The following CEP70 variants were observed in gnomAD, a reference collection of about 807,000 sequenced individuals.
CEP70 encodes the protein centrosomal protein of 70 kDa.
Under a neutral mutation model 90.9 loss-of-function variants are expected in CEP70, and 70 were observed. That is an observed-to-expected ratio of 0.77 (90% CI 0.64 to 0.94). CEP70 has a LOEUF of 0.94. Among genes scored for constraint, CEP70 ranks in the 40% least tolerant of loss-of-function variants. The probability of loss-of-function intolerance (pLI) is 0.00; values close to 1 mark genes in which losing one functional copy is unlikely to be tolerated. For synonymous variants in CEP70, 220 were observed against 228.3 expected (o/e 0.96, Z 0.33); for missense variants, 648 against 669.0 (o/e 0.97, Z 0.35).
At chr3:138,562,242 A>C (rs1025428487) in intron 6 of CEP70, among the ~76,000 whole-genome samples, 6 of 152,146 alleles carry the variant, frequency 3.9e-5, no homozygotes, top group African/African-American at 1.4e-4. Flanking sequence ...TTGTACCTGA[A>C]AGTGACGGGG....
In CEP70 at chr3:138,505,372, C is replaced by T. The variant is rs146017776; in HGVS notation, c.1144G>A (p.Asp382Asn). ...TKGGVQNFNK[D>N]LVQDCGFEHL... The stretch of plus-strand genomic sequence containing the variant: ...TCAAATCCACAATCTTGAACAAGAT[C>T]TTTATTAAAATTTTGGACTCCCCCT... Residue 382 changes from aspartate to asparagine, a missense_variant, in exon 13 of 18, where the codon GAT becomes AAT. Coordinates refer to ENST00000264982, the MANE Select transcript of CEP70 (RefSeq NM_024491.4). 3.6e-4 allele frequency: 578 copies of T among 1,612,438 alleles called. 4 individuals are homozygous for T. In the African/African-American group the frequency reaches 7.0e-3, roughly 19 times the overall value.
chr3:138,499,951 G>T, intron 16 of CEP70, 159 bp downstream of exon 16: 1 of 578,946 alleles, frequency 1.7e-6, no homozygotes. Context: ...AATTTTTATT[G>T]TTTAGAGACA....
chr3:138,576,731 A>G lies in CEP70; in HGVS notation c.-5-3799T>C, dbSNP rs149790896. On this transcript the variant is annotated intron_variant, in intron 2 of 17. Coordinates refer to ENST00000264982, the MANE Select transcript of CEP70 (RefSeq NM_024491.4). ...AGCACTCCTCAGCAAATGTAAAACAACAGAAATCACAACAAACTGTCTCTC... is the reference window on the plus strand; with the variant it reads ...AGCACTCCTCAGCAAATGTAAAACAGCAGAAATCACAACAAACTGTCTCTC... 3.2e-3 allele frequency among the ~76,000 whole-genome samples: 486 copies of G among 152,360 alleles called. 1 individual carries two copies. The highest frequency in any genetic ancestry group is 4.8e-3 in the Non-Finnish European group (328 of 68,026).
intron 2 of CEP70, among the ~76,000 whole-genome samples, chr3:138,580,473 T>C: frequency 6.6e-6 from 1 of 152,182 alleles, no homozygotes; most frequent in East Asian, 1.9e-4. Flanking sequence ...GGGTATCCTG[T>C]AACTCAGATA....
intron 6 of CEP70, among the ~76,000 whole-genome samples, chr3:138,558,193 T>C (rs149524035): frequency 1.4e-3 from 212 of 152,242 alleles, no homozygotes; most frequent in African/African-American, 4.9e-3. Flanking sequence ...GGTGAAACCC[T>C]GTTTCCACTA....
At chr3:138,544,307 C>A (rs564712919) in intron 6 of CEP70, among the ~76,000 whole-genome samples, 2 of 148,940 alleles carry the variant, frequency 1.3e-5, no homozygotes, top group East Asian at 2.0e-4. Context: ...AGGAAGAAAA[C>A]ACAATGAGAT....
chr3:138,496,581 C>T (rs1331359852), intron 17 of CEP70: 1 of 985,240 alleles, frequency 1.0e-6, no homozygotes, highest in Non-Finnish European at 1.2e-6. Context: ...TGGGAATTTC[C>T]TCAGTCAATC....
chr3:138,571,393 G>A (rs770099654), intron 3 of CEP70, 37 bp from the exon 4 acceptor site: 1 of 1,306,232 alleles, frequency 7.7e-7, no homozygotes, highest in African/African-American at 1.5e-5. Context: ...GTTAACTTTA[G>A]ATATAAAGTG....
chr3:138,592,667 G>T (rs1160747563), intron 1 of CEP70, among the ~76,000 whole-genome samples: 1 of 151,976 alleles, frequency 6.6e-6, no homozygotes, highest in African/African-American at 2.4e-5. Context: ...TAGGTTTCCC[G>T]AGTCTTTCAG....
At chr3:138,562,075 C>G (rs146232199) in intron 6 of CEP70, among the ~76,000 whole-genome samples, 1 of 149,128 alleles carries the variant, frequency 6.7e-6, no homozygotes. Context: ...TATCAGTAGC[C>G]GAACTGATCA....
chr3:138,554,522 C>A (rs1040056730), intron 6 of CEP70, among the ~76,000 whole-genome samples: 1 of 152,122 alleles, frequency 6.6e-6, no homozygotes, highest in Admixed American at 6.6e-5. Flanking sequence ...AAGAGGAAGT[C>A]GAACTACTGC....
intron 2 of CEP70, among the ~76,000 whole-genome samples, chr3:138,580,217 A>T (rs2041779692): frequency 6.6e-6 from 1 of 152,130 alleles, no homozygotes; most frequent in South Asian, 2.1e-4. Context: ...TAGGTTTCCA[A>T]GGATTCTGAT....
At chr3:138,584,204 A>G (rs1218966387) in intron 2 of CEP70, among the ~76,000 whole-genome samples, 1 of 152,042 alleles carries the variant, frequency 6.6e-6, no homozygotes, top group Non-Finnish European at 1.5e-5. Context: ...CAAACAACCT[A>G]CTAAGATTGA....
chr3:138,531,904 G>A (rs1235784818), intron 8 of CEP70, among the ~76,000 whole-genome samples: 1 of 151,962 alleles, frequency 6.6e-6, no homozygotes, highest in Non-Finnish European at 1.5e-5. Context: ...CAAAATAGGT[G>A]CTCAAATAAA....
intron 11 of CEP70, among the ~76,000 whole-genome samples, chr3:138,518,347 C>T (rs898612926): frequency 1.3e-5 from 2 of 152,228 alleles, no homozygotes; most frequent in Non-Finnish European, 2.9e-5. Flanking sequence ...GTTCTCCCAG[C>T]TCGCAGCTGG....
intron 6 of CEP70, among the ~76,000 whole-genome samples, chr3:138,563,835 A>T (rs2040587014): frequency 6.6e-6 from 1 of 152,218 alleles, no homozygotes; most frequent in Non-Finnish European, 1.5e-5. Context: ...AAGTCAAGGA[A>T]TAACTAAGAT....
At chr3:138,553,617 A>G (rs2039783812) in intron 6 of CEP70, among the ~76,000 whole-genome samples, 1 of 152,200 alleles carries the variant, frequency 6.6e-6, no homozygotes, top group African/African-American at 2.4e-5. Flanking sequence ...AAATCATTCT[A>G]TAAAGAAAGT....
At position 138,572,840 on chromosome 3, in the gene CEP70, T is replaced by A; in HGVS notation, c.69+19A>T. ...GCACATATTTTGAGAAGCAGTGTCT[T>A]AAAATATTTTAAGTTTACCTGTTTT... On this transcript the variant is annotated intron_variant, in intron 3 of 17. Coordinates refer to ENST00000264982, the MANE Select transcript of CEP70 (RefSeq NM_024491.4). The A allele has an allele frequency of 3.3e-6, 5 of 1,504,732 alleles. No individual in the cohort carries two copies. The highest frequency in any genetic ancestry group is 4.6e-6 in the Non-Finnish European group (5 of 1,081,546). 93.2% of individuals were successfully genotyped at this position (1,504,732 alleles called of 1,614,324 possible). A position where few individuals can be genotyped will look rare whatever the true frequency, so the allele number is the denominator to read the frequency against.
chr3:138,522,685 A>G, intron 11 of CEP70, among the ~76,000 whole-genome samples: 1 of 152,216 alleles, frequency 6.6e-6, no homozygotes, highest in Non-Finnish European at 1.5e-5. Context: ...AAGAAGTTGA[A>G]TCTCTGAATA....
Sources: gnomAD v4.1 joint callset for allele counts (sites outside exome capture counted in the v4.1 genomes callset) on GRCh38, gnomAD v4.1.1 for gene constraint, MANE v1.5 for transcripts, NCBI Gene and HGNC (gene_info 2026-07-23, HGNC 2026-07-21) for gene names.